PDE11A: variants seen among roughly 807,000 people sequenced by gnomAD.
PDE11A encodes the protein phosphodiesterase 11A.
A neutral mutation model predicts 100.5 loss-of-function variants in PDE11A; 100 were observed. The ratio of observed to expected loss-of-function variants is 1.00; its 90% confidence interval spans 0.85 to 1.18. The LOEUF (loss-of-function observed/expected upper bound fraction) is 1.18, where lower values mean the gene tolerates loss of function less well. PDE11A is among the 50% of genes most tolerant of loss of function. The probability of loss-of-function intolerance (pLI) is 0.00; values close to 1 mark genes in which losing one functional copy is unlikely to be tolerated. For missense variants in PDE11A, 1,141 were observed against 1,152.6 expected (o/e 0.99, Z 0.15); for synonymous variants, 381 against 420.8 (o/e 0.91, Z 1.16).
chr2:177,968,389 T>C (rs2085725531), intron 2 of PDE11A, among the ~76,000 whole-genome samples: 1 of 152,214 alleles, frequency 6.6e-6, no homozygotes, highest in South Asian at 2.1e-4. Flanking sequence ...TAGATTTTGA[T>C]TGATTCCTAT....
rs16865999 is a variant in PDE11A, at chr2:178,008,583, T to C, written c.1071+5719A>G. ...ACCTTGTGCACCCCTGACATCTCAATAATCTTAAACATTCTCCTCACACTA... is the reference window on the plus strand; with the variant it reads ...ACCTTGTGCACCCCTGACATCTCAACAATCTTAAACATTCTCCTCACACTA... On this transcript the variant is annotated intron_variant, in intron 2 of 19. Transcript: ENST00000286063. Among the ~76,000 whole-genome samples the C allele has an allele frequency of 2.0e-5, 3 of 152,158 alleles. No individual in the cohort carries two copies. In the East Asian group the frequency reaches 5.8e-4, roughly 29 times the overall value.
rs1459167299 is a variant in PDE11A at position 177,998,860 on chromosome 2, C to T, written c.1071+15442G>A. On this transcript the variant is annotated intron_variant, in intron 2 of 19. Transcript: ENST00000286063. ...AGCACTTCTCCAAGCCCACTACCTG[C>T]ACTATTACACCCAACTGGATGGCTC... 1.3e-5 allele frequency: 8 copies of T among 599,168 alleles called. No homozygotes were observed. The East Asian group carries it at 1.6e-4, about 12-fold the overall frequency. The allele number at this position is 599,168 out of a possible 1,614,324, so 37.1% of individuals were successfully genotyped here. A position where few individuals can be genotyped will look rare whatever the true frequency, so the allele number is the denominator to read the frequency against.
chr2:177,900,684 G>A (rs755443063), intron 3 of PDE11A, among the ~76,000 whole-genome samples: 2 of 152,104 alleles, frequency 1.3e-5, no homozygotes, highest in Non-Finnish European at 2.9e-5. Context: ...CTTGAACCTC[G>A]GAGGCGGAAG....
chr2:177,839,003 C>G (rs1367071482), intron 6 of PDE11A, among the ~76,000 whole-genome samples: 1 of 152,174 alleles, frequency 6.6e-6, no homozygotes, highest in African/African-American at 2.4e-5. Flanking sequence ...TTAGGAGCCT[C>G]TAACCTCAAG....
In PDE11A at chr2:178,002,225, T is replaced by C. The variant is rs542208116; in HGVS notation, c.1071+12077A>G. Among the ~76,000 whole-genome samples, 124 of 152,348 alleles carry C rather than the reference T, an allele frequency of 8.1e-4. No individual in the cohort carries two copies. In the South Asian group the frequency reaches 0.026, roughly 32 times the overall value. Reference sequence around the variant, plus strand: ...ATGATGATGGCCTCCAGCTGCATCATGTTGCTGCAAAGGATATGATTTCAT... The same window carrying C: ...ATGATGATGGCCTCCAGCTGCATCACGTTGCTGCAAAGGATATGATTTCAT... On this transcript the variant is annotated intron_variant, in intron 2 of 19. Transcript: ENST00000286063.
chr2:177,804,610 G>T (rs889071847), intron 9 of PDE11A, among the ~76,000 whole-genome samples: 1 of 151,752 alleles, frequency 6.6e-6, no homozygotes, highest in Non-Finnish European at 1.5e-5. Flanking sequence ...ATATAATAAA[G>T]ATACCTGCAC....
chr2:177,892,011 C>T (rs2084536768), intron 4 of PDE11A, among the ~76,000 whole-genome samples: 1 of 152,122 alleles, frequency 6.6e-6, no homozygotes, highest in South Asian at 2.1e-4. Context: ...AGATACAAGT[C>T]ATTCTCTCCA....
rs936622168 is a variant in PDE11A at position 178,052,624 on chromosome 2, A to C, written c.912+18902T>G. The stretch of plus-strand genomic sequence containing the variant: ...AAATTGATAGACTGCTAGCAAGACT[A>C]ATAAAGAAGAAAAGAAAGAAGAATC... On this transcript the variant is annotated intron_variant, in intron 1 of 19. Coordinates refer to ENST00000286063, the MANE Select transcript of PDE11A (RefSeq NM_016953.4). Among the ~76,000 whole-genome samples the C allele has an allele frequency of 2.5e-4, 38 of 152,336 alleles. 1 individual carries two copies. In the East Asian group the frequency reaches 6.4e-3, roughly 25 times the overall value.
chr2:177,943,009 G>C (rs1004833305), intron 2 of PDE11A, among the ~76,000 whole-genome samples: 6 of 152,050 alleles, frequency 3.9e-5, no homozygotes, highest in Non-Finnish European at 8.8e-5. Flanking sequence ...TTAGCATAAT[G>C]CCCTCAAGGC....
At chr2:178,046,628 T>C (rs971318910) in intron 1 of PDE11A, among the ~76,000 whole-genome samples, 57 of 152,160 alleles carry the variant, frequency 3.7e-4, no homozygotes, top group African/African-American at 1.3e-3. Flanking sequence ...AGGCTGTTGA[T>C]TGCCCCTTTC....
intron 9 of PDE11A, among the ~76,000 whole-genome samples, chr2:177,776,866 A>G (rs2105512025): frequency 6.6e-6 from 1 of 152,284 alleles, no homozygotes; most frequent in African/African-American, 2.4e-5. Flanking sequence ...TGTAGTTCCC[A>G]TAATGTCTAT....
intron 4 of PDE11A, among the ~76,000 whole-genome samples, chr2:177,876,533 G>C (rs961289676): frequency 2.7e-5 from 4 of 148,596 alleles, no homozygotes; most frequent in Non-Finnish European, 5.9e-5. Flanking sequence ...TTATGGAACA[G>C]AAAATGTCAA....
At chr2:178,034,801 A>C (rs1406081963) in intron 1 of PDE11A, among the ~76,000 whole-genome samples, 3 of 152,246 alleles carry the variant, frequency 2.0e-5, no homozygotes, top group Non-Finnish European at 4.4e-5. Context: ...ATTAAGGCAG[A>C]AACAAAGGAG....
At chr2:177,966,939 C>A (rs2085705829) in intron 2 of PDE11A, among the ~76,000 whole-genome samples, 2 of 152,092 alleles carry the variant, frequency 1.3e-5, no homozygotes, top group African/African-American at 2.4e-5. Flanking sequence ...GACAGCTCTT[C>A]TTTATACATC....
intron 2 of PDE11A, among the ~76,000 whole-genome samples, chr2:177,986,051 A>C (rs1351693801): frequency 6.6e-6 from 1 of 152,174 alleles, no homozygotes; most frequent in Non-Finnish European, 1.5e-5. Context: ...TTTGTCCAAA[A>C]GTAGAGTAAG....
At chr2:178,018,346 C>G in intron 1 of PDE11A, 1 of 469,314 alleles carries the variant, frequency 2.1e-6, no homozygotes, top group South Asian at 1.7e-5. Context: ...AGACGCATCA[C>G]GGAAAGCTGC....
chr2:177,817,358 C>T (rs1446168312), intron 8 of PDE11A, among the ~76,000 whole-genome samples: 3 of 152,116 alleles, frequency 2.0e-5, no homozygotes, highest in Admixed American at 6.6e-5. Context: ...GAGTTAGAAC[C>T]ATTAATAAAG....
rs370697308 is a variant in PDE11A at position 177,721,111 on chromosome 2, A to G, written c.2043+6547T>C. Among the ~76,000 whole-genome samples, 19 of 152,272 alleles carry G rather than the reference A, an allele frequency of 1.2e-4. 1 individual carries two copies. In the East Asian group the frequency reaches 2.7e-3, roughly 22 times the overall value. Reference sequence around the variant, plus strand: ...CATTTATAACCACTTCTAAGGCTTAATTTTTAACCTGTTTATTAGCATAAA... The same window carrying G: ...CATTTATAACCACTTCTAAGGCTTAGTTTTTAACCTGTTTATTAGCATAAA... On this transcript the variant is annotated intron_variant, in intron 12 of 19. Transcript: ENST00000286063.
intron 13 of PDE11A, among the ~76,000 whole-genome samples, chr2:177,709,867 G>A (rs892650936): frequency 2.0e-5 from 3 of 152,168 alleles, no homozygotes; most frequent in African/African-American, 4.8e-5. Context: ...AGGGGGCCAC[G>A]GGTGTCATTC....
Sources: gnomAD v4.1 joint callset for allele counts (sites outside exome capture counted in the v4.1 genomes callset) on GRCh38, gnomAD v4.1.1 for gene constraint, MANE v1.5 for transcripts, NCBI Gene and HGNC (gene_info 2026-07-23, HGNC 2026-07-21) for gene names.